The following TRIM40 variants were observed in gnomAD, a reference collection of about 807,000 sequenced individuals.
TRIM40 encodes tripartite motif containing 40, also known as E3 ubiquitin ligase TRIM40.
TRIM40 carries 27 observed loss-of-function variants against 26.1 expected under a neutral mutation model. The ratio of observed to expected loss-of-function variants is 1.04; its 90% CI spans 0.76 to 1.43. TRIM40 has a LOEUF of 1.43. Among genes scored for constraint, TRIM40 ranks in the 40% most tolerant of loss-of-function variants. The pLI, the probability that TRIM40 is intolerant of heterozygous loss-of-function variation, is 0.00. For missense variants in TRIM40, 289 were observed against 307.9 expected (o/e 0.94, Z 0.46); for synonymous variants, 114 against 120.0 (o/e 0.95, Z 0.33).
At chr6:30,139,545 C>T (rs572644881) in intron 2 of TRIM40, among the ~76,000 whole-genome samples, 22 of 152,028 alleles carry the variant, frequency 1.4e-4, no homozygotes, top group Admixed American at 1.3e-3. Context: ...GTTTCACCAT[C>T]TTGGCCAGGC....
intron 2 of TRIM40, among the ~76,000 whole-genome samples, chr6:30,141,689 T>C (rs1233884857): frequency 6.6e-6 from 1 of 152,152 alleles, no homozygotes; most frequent in Admixed American, 6.5e-5. Flanking sequence ...GCCTACATAG[T>C]TTTGCAGTTT....
At position 30,137,079 on chromosome 6, in the gene TRIM40, C is replaced by T. The variant is rs1771048116; in HGVS notation, c.43C>T (p.Pro15Ser). The part of the protein sequence containing the change: ...QKDNQEEGVC[P>S]ICQESLKEAV... ...GGACAACCAGGAGGAGGGTGTCTGC[C>T]CCATCTGCCAGGAGAGCCTGAAGGA... Residue 15 changes from proline to serine, a missense_variant, in exon 2 of 6, where the codon CCC becomes TCC. By Grantham distance (74) the Pro-to-Ser change is moderately conservative (BLOSUM62 -1). Coordinates refer to ENST00000396581, the MANE Select transcript of TRIM40 (RefSeq NM_001286633.2). 6.2e-7 allele frequency: 1 copy of T among 1,612,924 alleles called. No homozygotes were observed. The highest frequency in any genetic ancestry group is 8.5e-7 in the Non-Finnish European group (1 of 1,180,040).
intron 5 of TRIM40, 69 bp from the exon 6 acceptor site, chr6:30,147,656 A>T: frequency 1.2e-6 from 2 of 1,606,610 alleles, no homozygotes; most frequent in Admixed American, 3.3e-5. Context: ...TTGATGCTAC[A>T]TGGCCAATGG....
In TRIM40 at chr6:30,148,042, C is replaced by T. The variant is rs2127428942; in HGVS notation, c.*230C>T. 1.7e-6 allele frequency: 1 copy of T among 586,780 alleles called. No homozygotes were observed. The highest frequency in any genetic ancestry group is 2.8e-5 in the East Asian group (1 of 36,060). The allele number at this position is 586,780 out of a possible 1,614,324, so 36.3% of individuals were successfully genotyped here. A position where few individuals can be genotyped will look rare whatever the true frequency, so the allele number is the denominator to read the frequency against. ...GACAGGCTCATGCTTGGGGCTGCCACTGTGGAGGTCGGGGCCCATGGTCTC... is the reference window on the plus strand; with the variant it reads ...GACAGGCTCATGCTTGGGGCTGCCATTGTGGAGGTCGGGGCCCATGGTCTC... On this transcript the variant is annotated 3_prime_UTR_variant, in exon 6 of 6. Coordinates refer to ENST00000396581, the MANE Select transcript of TRIM40 (RefSeq NM_001286633.2).
chr6:30,143,748 C>A (rs555057296), intron 2 of TRIM40, among the ~76,000 whole-genome samples: 1 of 152,044 alleles, frequency 6.6e-6, no homozygotes, highest in South Asian at 2.1e-4. Flanking sequence ...CCATTAAATA[C>A]CTTTATGCAA....
chr6:30,145,864 A>G (rs1309423351), intron 2 of TRIM40, 130 bp from the exon 3 acceptor site: 1 of 671,058 alleles, frequency 1.5e-6, no homozygotes, highest in East Asian at 2.7e-5. Context: ...CTCTAAAAGC[A>G]TTTCTTTTTA....
At chr6:30,146,218 CG>C in intron 3 of TRIM40, 129 bp downstream of exon 3, 1 of 761,342 alleles carries the variant, frequency 1.3e-6, no homozygotes, top group South Asian at 1.7e-5. Context: ...GCTGAAAACC[CG>C]GGTGTTGGCC....
intron 2 of TRIM40, among the ~76,000 whole-genome samples, chr6:30,141,882 A>G (rs924667153): frequency 3.9e-5 from 6 of 152,190 alleles, no homozygotes; most frequent in African/African-American, 1.4e-4. Context: ...TGTAGCACCA[A>G]TTTGAGGTCT....
chr6:30,146,619 G>A (rs932200532), intron 3 of TRIM40, among the ~76,000 whole-genome samples: 3 of 152,042 alleles, frequency 2.0e-5, no homozygotes, highest in African/African-American at 4.8e-5. Flanking sequence ...CACCATGTTA[G>A]CCAGGATGGT....
intron 2 of TRIM40, among the ~76,000 whole-genome samples, chr6:30,141,722 GT>G (rs1302063056): frequency 8.5e-5 from 13 of 152,278 alleles, no homozygotes; most frequent in Non-Finnish European, 1.2e-4. Flanking sequence ...TTTTGTTCTG[GT>G]TTTTATTTTC....
At chr6:30,140,219 G>A (rs1173851718) in intron 2 of TRIM40, among the ~76,000 whole-genome samples, 1 of 152,012 alleles carries the variant, frequency 6.6e-6, no homozygotes. Context: ...CCCATTACTG[G>A]GTATATACCC....
In TRIM40 at chr6:30,147,887, C is replaced by A; in HGVS notation, c.*75C>A. 7.5e-7 allele frequency: 1 copy of A among 1,325,086 alleles called. No individual in the cohort carries two copies. The highest frequency in any genetic ancestry group is 1.1e-6 in the Non-Finnish European group (1 of 918,768). The allele number at this position is 1,325,086 out of a possible 1,614,324, so 82.1% of individuals were successfully genotyped here. On this transcript the variant is annotated 3_prime_UTR_variant, in exon 6 of 6. Transcript: ENST00000396581. ...CTCTCCTTCCTCCAACCTGTCCAGG[C>A]CCCCACTGGGTCTACCCAGTGCATC...
In TRIM40 at chr6:30,147,088, T is replaced by G; in HGVS notation, c.545T>G (p.Leu182Arg). ...GALPQQWLGQ[L>R]EHMPAEAARI... is the part of the protein sequence containing the mutation. Reference sequence around the variant, plus strand: ...CTCCCTCAGCAGTGGCTGGGCCAGCTGGAGCACATGCCAGCAGAAGCGGCC... The same window carrying G: ...CTCCCTCAGCAGTGGCTGGGCCAGCGGGAGCACATGCCAGCAGAAGCGGCC... Residue 182 changes from leucine to arginine, a missense_variant, in exon 4 of 6, where the codon CTG becomes CGG. By Grantham distance (102) the Leu-to-Arg change is moderately radical. Transcript: ENST00000396581. 6.2e-7 allele frequency: 1 copy of G among 1,614,084 alleles called. No individual in the cohort carries two copies. The highest frequency in any genetic ancestry group is 8.5e-7 in the Non-Finnish European group (1 of 1,179,968).
At chr6:30,137,512 C>T in intron 2 of TRIM40, 131 bp downstream of exon 2, 1 of 786,794 alleles carries the variant, frequency 1.3e-6, no homozygotes, top group Non-Finnish European at 2.0e-6. Flanking sequence ...CTGCTTCATC[C>T]TGTTTTGGAC....
At chr6:30,139,140 A>C (rs1771182995) in intron 2 of TRIM40, among the ~76,000 whole-genome samples, 1 of 152,212 alleles carries the variant, frequency 6.6e-6, no homozygotes, top group Non-Finnish European at 1.5e-5. Context: ...CTGTCTTTAA[A>C]TAATGACAAG....
chr6:30,138,238 T>C (rs1303186248), intron 2 of TRIM40, among the ~76,000 whole-genome samples: 1 of 152,228 alleles, frequency 6.6e-6, no homozygotes, highest in Admixed American at 6.5e-5. Context: ...GTACCATAAA[T>C]TGGCAGACAT....
intron 2 of TRIM40, among the ~76,000 whole-genome samples, chr6:30,139,878 GA>G (rs534446813): frequency 4.6e-4 from 70 of 152,160 alleles, no homozygotes; most frequent in African/African-American, 1.2e-3. Flanking sequence ...TTCTTTGTAA[GA>G]AAAAAACAAC....
At chr6:30,147,397 C>A in intron 4 of TRIM40, 123 bp from the exon 5 acceptor site, 1 of 1,477,002 alleles carries the variant, frequency 6.8e-7, no homozygotes, top group Non-Finnish European at 9.4e-7. Flanking sequence ...AGGGGTGTTG[C>A]TATGTTCCCC....
intron 2 of TRIM40, among the ~76,000 whole-genome samples, chr6:30,145,063 A>C (rs536197301): frequency 6.6e-6 from 1 of 152,212 alleles, no homozygotes; most frequent in South Asian, 2.1e-4. Flanking sequence ...CTGTTCACCA[A>C]ATGCCCTTGC....
Sources: gnomAD v4.1 joint callset for allele counts (sites outside exome capture counted in the v4.1 genomes callset) on GRCh38, gnomAD v4.1.1 for gene constraint, MANE v1.5 for transcripts, NCBI Gene and HGNC (gene_info 2026-07-23, HGNC 2026-07-21) for gene names.